The following TARBP1 variants were observed in gnomAD, a reference collection of about 807,000 sequenced individuals.
TARBP1 encodes the protein tRNA guanosine 2 -O-methyltransferase TARBP1.
In TARBP1, 144 loss-of-function variants were observed where a neutral mutation model predicts 178.6. The observed-to-expected ratio is 0.81, with a 90% CI of 0.70 to 0.93. The LOEUF (loss-of-function observed/expected upper bound fraction) is 0.93. TARBP1 is among the 40% of genes least tolerant of loss of function. The pLI is 0.00. For missense variants in TARBP1, 2,067 were observed against 2,011.7 expected, an observed-to-expected ratio of 1.03 and a Z score of -0.53; for synonymous variants, 787 against 781.0, an observed-to-expected ratio of 1.01 and a Z score of -0.13.
chr1:234,477,613 G>C (rs1424171046), intron 1 of TARBP1, among the ~76,000 whole-genome samples: 1 of 152,172 alleles, frequency 6.6e-6, no homozygotes, highest in Non-Finnish European at 1.5e-5. Flanking sequence ...AATAAAATCT[G>C]ATTCATTCTA....
chr1:234,410,656 G>A (rs934990455), intron 22 of TARBP1, 125 bp from the exon 23 acceptor site: 91 of 608,894 alleles, frequency 1.5e-4, no homozygotes, highest in African/African-American at 8.7e-4. Flanking sequence ...GGAACAGCCC[G>A]GGGTCTGGGT....
Position 234,479,052 on chromosome 1 carries a change from C to A in TARBP1, c.52G>T (p.Ala18Ser). Residue 18 changes from alanine (A) to serine (S), a missense_variant, in exon 1 of 30, where the codon GCC becomes TCC. Physicochemically the swap from Ala to Ser is moderately conservative, Grantham distance 99 (BLOSUM62 1). Coordinates refer to ENST00000040877, the MANE Select transcript of TARBP1 (RefSeq NM_005646.4). ...ALLSQSRDPR[A>S]LLGALCQGEA... is the part of the protein sequence containing the mutation. Reference sequence around the variant, plus strand: ...CCTTGGCACAGCGCCCCAAGCAGGGCCCGGGGGTCCCGGCTCTGCGAGAGC... The same window carrying A: ...CCTTGGCACAGCGCCCCAAGCAGGGACCGGGGGTCCCGGCTCTGCGAGAGC... 6.5e-7 allele frequency: 1 copy of A among 1,539,004 alleles called. No individual in the cohort carries two copies. The highest frequency in any genetic ancestry group is 8.7e-7 in the Non-Finnish European group (1 of 1,155,908).
chr1:234,446,679 A>AATTATATAATTTCTTAAATATT, intron 12 of TARBP1, 124 bp downstream of exon 12: 1 of 272,670 alleles, frequency 3.7e-6, no homozygotes, highest in Non-Finnish European at 5.5e-6. Context: ...TCTTAAATAT[A>AATTATATAATTTCTTAAATATT]TATAATTTCT....
chr1:234,410,590 T>C, intron 22 of TARBP1, 59 bp from the exon 23 acceptor site: 1 of 1,124,518 alleles, frequency 8.9e-7, no homozygotes, highest in South Asian at 1.3e-5. Context: ...AACATGCACG[T>C]GAAAGCGCCG....
intron 6 of TARBP1, among the ~76,000 whole-genome samples, chr1:234,461,226 G>C (rs1200951921): frequency 2.0e-5 from 3 of 152,208 alleles, no homozygotes; most frequent in African/African-American, 7.2e-5. Context: ...TTAATTCCTA[G>C]TTTAGTAAGA....
chr1:234,403,195 T>C (rs529631801), intron 24 of TARBP1, among the ~76,000 whole-genome samples: 121 of 152,294 alleles, frequency 7.9e-4, no homozygotes, highest in African/African-American at 2.8e-3. Context: ...TCCCTCCATC[T>C]TGGGACTGCT....
In TARBP1 at chr1:234,478,292, G is replaced by C. The variant is rs1169142029; in HGVS notation, c.812C>G (p.Ala271Gly). Residue 271 changes from alanine to glycine, a missense_variant, in exon 1 of 30, where the codon GCG becomes GGG. Ala to Gly is a moderately conservative substitution (Grantham distance 60). Transcript: ENST00000040877. ...CAGGGCGTCCGCCTGGCCCAGCCCC[G>C]CCTGCACCGTCCTCCAGAAGCGCCA... ...RCWRFWRTVQ[A>G]GLGQADALTR... 2 of 1,559,800 alleles carry C rather than the reference G, an allele frequency of 1.3e-6. No individual in the cohort carries two copies. Among genetic ancestry groups the C allele is most frequent in the East Asian group, 5.1e-5 (2 of 39,026 alleles).
intron 1 of TARBP1, among the ~76,000 whole-genome samples, chr1:234,474,195 A>G (rs1317982510): frequency 6.6e-6 from 1 of 151,626 alleles, no homozygotes; most frequent in African/African-American, 2.4e-5. Context: ...AGTGAGCTAT[A>G]ATCACGCCAC....
intron 23 of TARBP1, among the ~76,000 whole-genome samples, chr1:234,409,833 T>C (rs1466684245): frequency 1.3e-5 from 2 of 152,236 alleles, no homozygotes; most frequent in African/African-American, 2.4e-5. Flanking sequence ...GATGCAATAA[T>C]ATAGAATCTT....
intron 23 of TARBP1, 49 bp downstream of exon 23, chr1:234,410,396 T>C (rs779606502): frequency 8.5e-7 from 1 of 1,173,352 alleles, no homozygotes; most frequent in African/African-American, 1.5e-5. Flanking sequence ...TACAAATACA[T>C]ACAATTCTTT....
At chr1:234,470,203 G>A (rs1246126959) in intron 3 of TARBP1, among the ~76,000 whole-genome samples, 1 of 152,060 alleles carries the variant, frequency 6.6e-6, no homozygotes, top group Non-Finnish European at 1.5e-5. Flanking sequence ...GGAAGCAGAG[G>A]TTGCAGTGAG....
At position 234,478,704 on chromosome 1, in the gene TARBP1, C is replaced by A; in HGVS notation, c.400G>T (p.Ala134Ser). 2 of 1,211,074 alleles carry A rather than the reference C, an allele frequency of 1.7e-6. No individual in the cohort carries two copies. Among genetic ancestry groups the A allele is most frequent in the South Asian group, 3.2e-5 (1 of 31,476 alleles). The allele number at this position is 1,211,074 out of a possible 1,614,324, so 75.0% of individuals were successfully genotyped here. The change falls in exon 1 of 30, where the codon GCG (alanine) becomes TCG (serine). Residue 134 changes from alanine (A) to serine (S), a missense_variant. Ala to Ser is a moderately conservative substitution (Grantham distance 99). Transcript: ENST00000040877. ...TCCACGGCAGCCTCGGCGCCAGGCG[C>A]GCGCCACCCGGCGAGCAGATCGCGC... is the stretch of plus-strand genomic sequence containing the variant. ...ALRDLLAGWR[A>S]PGAEAAVEVL... is the part of the protein sequence containing the mutation.
In TARBP1 at chr1:234,453,329, G is replaced by GTGT. The variant is rs1553298139; in HGVS notation, c.1723-2764_1723-2763insACA. On this transcript the variant is annotated intron_variant, in intron 9 of 29. Coordinates refer to ENST00000040877, the MANE Select transcript of TARBP1 (RefSeq NM_005646.4). ...GAAACTCTCTGTACTTTTTTTGTGT[G>GTGT]TTTTTTTTTTTTTTTACATTATTAC... Among the ~76,000 whole-genome samples, 77 of 89,998 alleles carry GTGT rather than the reference G, an allele frequency of 8.6e-4. No individual in the cohort carries two copies. In the Middle Eastern group the frequency reaches 0.016, roughly 19 times the overall value. The allele number at this position is 89,998 out of a possible 152,430, so 59.0% of individuals were successfully genotyped here.
intron 15 of TARBP1, 108 bp from the exon 16 acceptor site, chr1:234,429,785 C>G: frequency 8.1e-7 from 1 of 1,241,556 alleles, no homozygotes; most frequent in South Asian, 1.5e-5. Context: ...GGGCAGTGTA[C>G]AGATATAAAT....
chr1:234,460,615 T>C (rs1005310863), intron 6 of TARBP1, among the ~76,000 whole-genome samples: 13 of 152,168 alleles, frequency 8.5e-5, no homozygotes, highest in Admixed American at 6.5e-4. Context: ...TGTAAAACGG[T>C]GCAGCCGCTG....
intron 21 of TARBP1, among the ~76,000 whole-genome samples, chr1:234,419,579 C>T (rs770831970): frequency 2.0e-5 from 3 of 152,100 alleles, no homozygotes; most frequent in Non-Finnish European, 4.4e-5. Context: ...CAGGTGTGCC[C>T]GCTCGGACAT....
intron 4 of TARBP1, among the ~76,000 whole-genome samples, chr1:234,467,285 A>T (rs114987840): frequency 0.013 from 2,010 of 152,330 alleles, 31 homozygotes; most frequent in Non-Finnish European, 0.02. Flanking sequence ...GATAATATAC[A>T]ACTACTTTTT....
At chr1:234,433,318 G>T in intron 14 of TARBP1, 92 bp downstream of exon 14, 1 of 1,293,792 alleles carries the variant, frequency 7.7e-7, no homozygotes, top group Non-Finnish European at 1.1e-6. Flanking sequence ...TTAACGCTTT[G>T]TATGGTATCA....
intron 12 of TARBP1, among the ~76,000 whole-genome samples, chr1:234,441,212 A>C (rs1455064132): frequency 6.6e-6 from 1 of 152,216 alleles, no homozygotes; most frequent in Non-Finnish European, 1.5e-5. Flanking sequence ...GAAATACCAT[A>C]TTCATGCATT....
Sources: gnomAD v4.1 joint callset for allele counts (sites outside exome capture counted in the v4.1 genomes callset) on GRCh38, gnomAD v4.1.1 for gene constraint, MANE v1.5 for transcripts, NCBI Gene and HGNC (gene_info 2026-07-23, HGNC 2026-07-21) for gene names.